The following SS18 variants were observed in gnomAD, a reference collection of about 807,000 sequenced individuals.
SS18 encodes protein SSXT.
SS18 carries 28 observed loss-of-function variants against 72.5 expected under a neutral mutation model. That is an observed-to-expected ratio of 0.39 (90% confidence interval 0.29 to 0.53). The LOEUF is 0.53. Ranked by LOEUF, SS18 falls within the 20% of genes least tolerant of loss-of-function variation. The pLI, the probability that SS18 is intolerant of heterozygous loss-of-function variation, is 0.76. For synonymous variants in SS18, 172 were observed against 164.2 expected (o/e 1.05, Z -0.37); for missense variants, 518 against 535.3 (o/e 0.97, Z 0.32).
At chr18:26,089,284 C>T (rs1033990189) in intron 1 of SS18, among the ~76,000 whole-genome samples, 3 of 152,184 alleles carry the variant, frequency 2.0e-5, no homozygotes, top group African/African-American at 7.2e-5. Flanking sequence ...CCTCCAGAAA[C>T]GCAGTTTTGC....
chr18:26,035,912 A>G lies in SS18; in HGVS notation c.892T>C (p.Tyr298His), dbSNP rs539197438. The G allele has an allele frequency of 1.3e-6, 2 of 1,597,338 alleles. No individual in the cohort carries two copies. Among genetic ancestry groups the G allele is most frequent in the Admixed American group, 3.4e-5 (2 of 58,820 alleles). Residue 298 changes from tyrosine to histidine, a missense_variant, in exon 8 of 11, where the codon TAC becomes CAC. By Grantham distance (83) the Tyr-to-His change is moderately conservative. Transcript: ENST00000415083. This position sits in a 1 kb window ranked among gnomAD's most constrained non-coding sequence, Gnocchi z 4.4. ...GGATACGACGGTTGCTGATAACCGT[A>G]ATCATTATGACCTACATCAATTCGA... Reference protein sequence around the residue: ...QQYYPDGHNDYGYQQPSYPEQ... With the variant: ...QQYYPDGHNDHGYQQPSYPEQ...
At position 26,026,180 on chromosome 18, in the gene SS18, G is replaced by C. The variant is rs1249653002; in HGVS notation, c.1230+6219C>G. On this transcript the variant is annotated intron_variant, in intron 10 of 10. Transcript: ENST00000415083. Reference sequence around the variant, plus strand: ...CACCATGACTGGCTAGATTTTTATAGAGGTGGGGGGTCTTGCTTTGTTGCC... The same window carrying C: ...CACCATGACTGGCTAGATTTTTATACAGGTGGGGGGTCTTGCTTTGTTGCC... Among the ~76,000 whole-genome samples, 3 of 152,238 alleles carry C rather than the reference G, an allele frequency of 2.0e-5. No individual in the cohort carries two copies. In the East Asian group the frequency reaches 5.8e-4, roughly 29 times the overall value.
chr18:26,089,806 G>A (rs557222877), intron 1 of SS18: 57 of 152,376 alleles, frequency 3.7e-4, no homozygotes, highest in African/African-American at 1.3e-3. Flanking sequence ...GCTCCAGGAA[G>A]GCAAGGACCA....
Position 26,090,587 on chromosome 18 carries a change from T to C in SS18, c.-18A>G, listed in dbSNP as rs1220302790. On this transcript the variant is annotated 5_prime_UTR_variant, in exon 1 of 11. It adds an upstream start codon to the 5' untranslated region. Transcript: ENST00000415083. ...ACAGACATGTTGCCGCCGTCACCAC[T>C]ATCGGCAAGTCCCGAGCGCTCCGGG... 49 of 1,567,746 alleles carry C rather than the reference T, an allele frequency of 3.1e-5. No individual in the cohort carries two copies. The highest frequency in any genetic ancestry group is 3.8e-5 in the Non-Finnish European group (44 of 1,157,020).
chr18:26,058,886 AAAAC>A (rs1486534701), intron 3 of SS18, among the ~76,000 whole-genome samples: 3 of 152,180 alleles, frequency 2.0e-5, no homozygotes, highest in East Asian at 1.9e-4. Flanking sequence ...AGTTTTCACC[AAAAC>A]AAACAAAAAA....
intron 3 of SS18, among the ~76,000 whole-genome samples, chr18:26,070,792 C>A (rs1422561256): frequency 1.3e-5 from 2 of 152,116 alleles, no homozygotes; most frequent in African/African-American, 4.8e-5. Flanking sequence ...CCCCATTCAA[C>A]TGAAATGAAG....
intron 1 of SS18, among the ~76,000 whole-genome samples, chr18:26,087,877 G>T (rs1344936543): frequency 1.3e-5 from 2 of 152,146 alleles, no homozygotes; most frequent in African/African-American, 4.8e-5. Context: ...CAACATTAGT[G>T]TATCAGCAGC....
chr18:26,028,962 A>G, intron 10 of SS18, among the ~76,000 whole-genome samples: 1 of 152,226 alleles, frequency 6.6e-6, no homozygotes, highest in Non-Finnish European at 1.5e-5. Flanking sequence ...AGGGTAGGGA[A>G]AAAGAGTGAT....
intron 3 of SS18, among the ~76,000 whole-genome samples, chr18:26,076,497 C>A (rs4800712): frequency 6.6e-6 from 1 of 151,924 alleles, no homozygotes; most frequent in South Asian, 2.1e-4. Flanking sequence ...ACATTATTCA[C>A]GAAAATAAAT....
intron 4 of SS18, among the ~76,000 whole-genome samples, chr18:26,056,381 G>T (rs2054021362): frequency 6.6e-6 from 1 of 152,216 alleles, no homozygotes; most frequent in African/African-American, 2.4e-5. Context: ...TGTGGACTTG[G>T]CAAGAAGCTT....
intron 3 of SS18, among the ~76,000 whole-genome samples, chr18:26,075,047 T>C (rs1170890170): frequency 6.6e-6 from 1 of 151,928 alleles, no homozygotes; most frequent in Non-Finnish European, 1.5e-5. Context: ...TTATAAAATA[T>C]AGAAATTGTC....
rs1180923884 is a variant in SS18, at chr18:26,032,543, T to G, written c.1097-11A>C. 3 of 1,612,638 alleles carry G rather than the reference T, an allele frequency of 1.9e-6. No homozygotes were observed. Among genetic ancestry groups the G allele is most frequent in the South Asian group, 2.2e-5 (2 of 90,958 alleles). On this transcript the variant is annotated splice_polypyrimidine_tract_variant and intron_variant, in intron 9 of 10. Transcript: ENST00000415083. Reference sequence around the variant, plus strand: ...CACCCTGTGAAGGACCTGAAAATAATGTACACAACAAAAACCCACATAAAA... The same window carrying G: ...CACCCTGTGAAGGACCTGAAAATAAGGTACACAACAAAAACCCACATAAAA...
intron 3 of SS18, among the ~76,000 whole-genome samples, chr18:26,068,874 A>G (rs1308761312): frequency 6.6e-6 from 1 of 152,242 alleles, no homozygotes; most frequent in Non-Finnish European, 1.5e-5. Flanking sequence ...AATTTTAAGT[A>G]TATATTTAAA....
chr18:26,040,934 TCA>T (rs961320153), intron 5 of SS18, among the ~76,000 whole-genome samples: 7 of 152,166 alleles, frequency 4.6e-5, no homozygotes, highest in African/African-American at 1.7e-4. Flanking sequence ...TTACATGGTT[TCA>T]CAGTCATTTC....
At chr18:26,030,767 G>C (rs910640438) in intron 10 of SS18, among the ~76,000 whole-genome samples, 1 of 151,962 alleles carries the variant, frequency 6.6e-6, no homozygotes, top group Non-Finnish European at 1.5e-5. Context: ...ACTGAAAATA[G>C]AGGGCAGTAT....
intron 2 of SS18, among the ~76,000 whole-genome samples, chr18:26,084,575 A>G (rs1417860841): frequency 2.0e-5 from 3 of 152,178 alleles, no homozygotes; most frequent in Non-Finnish European, 4.4e-5. Context: ...CATCAAAGTT[A>G]TCACCAATAT....
chr18:26,039,309 G>A lies in SS18; in HGVS notation c.755C>T (p.Pro252Leu). 5 of 1,613,104 alleles carry A rather than the reference G, an allele frequency of 3.1e-6. No individual in the cohort carries two copies. The highest frequency in any genetic ancestry group is 3.4e-6 in the Non-Finnish European group (4 of 1,179,432). Residue 252 changes from proline to leucine, a missense_variant, in exon 6 of 11, where the codon CCC (proline) becomes CTC (leucine). Coordinates refer to ENST00000415083, the MANE Select transcript of SS18 (RefSeq NM_001007559.3). ...CTTACCCTGTTGAGGAGGTCTATAG[G>A]GAGGAATCTGTCTCTGACCCATCAT... ...NHMMGQRQIPPYRPPQQGPPQ... is the reference protein window; with the variant it reads ...NHMMGQRQIPLYRPPQQGPPQ...
chr18:26,052,598 T>A (rs1363780177), intron 5 of SS18, 26 bp downstream of exon 5: 1 of 1,573,882 alleles, frequency 6.4e-7, no homozygotes, highest in Non-Finnish European at 8.7e-7. Context: ...AGCACTCTAG[T>A]CAAGAAGGAC....
chr18:26,068,998 T>C (rs1200158022), intron 3 of SS18, among the ~76,000 whole-genome samples: 2 of 152,180 alleles, frequency 1.3e-5, no homozygotes, highest in South Asian at 2.1e-4. Flanking sequence ...TTCAGCCTTT[T>C]AAAATGAAGA....
Sources: gnomAD v4.1 joint callset for allele counts (sites outside exome capture counted in the v4.1 genomes callset) on GRCh38, gnomAD v4.1.1 for gene constraint, Gnocchi (gnomAD v3.1) non-coding constraint, MANE v1.5 for transcripts, NCBI Gene and HGNC (gene_info 2026-07-23, HGNC 2026-07-21) for gene names.